AHNAK: variants seen among roughly 807,000 people sequenced by gnomAD.
AHNAK encodes AHNAK nucleoprotein.
Under a neutral mutation model 37.8 loss-of-function variants are expected in AHNAK, and 23 were observed. The observed-to-expected ratio is 0.61, with a 90% CI of 0.44 to 0.86. The LOEUF is 0.86. AHNAK is among the 40% of genes least tolerant of loss of function. AHNAK has a pLI of 0.00. For missense variants in AHNAK, 7,411 were observed against 7,319.4 expected, an observed-to-expected ratio of 1.01 and a Z score of -0.46; for synonymous variants, 2,481 against 2,636.3, an observed-to-expected ratio of 0.94 and a Z score of 1.80.
At chr11:62,475,682 G>A (rs1032446759) in intron 5 of AHNAK, among the ~76,000 whole-genome samples, 5 of 135,806 alleles carry the variant, frequency 3.7e-5, no homozygotes, top group Non-Finnish European at 7.5e-5. Flanking sequence ...TCAGCTCACC[G>A]AAACCTCTGC....
chr11:62,526,844 C>T lies in AHNAK; in HGVS notation c.7573G>A (p.Ala2525Thr). The T allele has an allele frequency of 6.2e-7, 1 of 1,613,896 alleles. No individual in the cohort carries two copies. Among genetic ancestry groups the T allele is most frequent in the Non-Finnish European group, 8.5e-7 (1 of 1,179,988 alleles). Residue 2525 changes from alanine to threonine, a missense_variant, in exon 5 of 5, where the codon GCA becomes ACA. Coordinates refer to ENST00000378024, the MANE Select transcript of AHNAK (RefSeq NM_001620.3). ...MPKFSMPGFKAEGPEVDVNLP... is the reference protein window; with the variant it reads ...MPKFSMPGFKTEGPEVDVNLP... ...TTGACGTCTACTTCAGGGCCCTCTG[C>T]TTTGAAGCCAGGCATGCTGAACTTG... is the stretch of plus-strand genomic sequence containing the variant.
chr11:62,524,901 C>A lies in AHNAK; in HGVS notation c.9516G>T (p.Val3172=), dbSNP rs143885910. 6.2e-7 allele frequency: 1 copy of A among 1,613,808 alleles called. No homozygotes were observed. ...CGTCAAGGTCAGCCTTGGGCAGGTTCACGTCCACTTCTGGACCTTCTCCTT... is the reference window on the plus strand; with the variant it reads ...CGTCAAGGTCAGCCTTGGGCAGGTTAACGTCCACTTCTGGACCTTCTCCTT... ...GFKGEGPEVD[V]NLPKADLDVS... The change falls in exon 5 of 5, where the codon GTG becomes GTT. Residue 3172 remains valine (V), a synonymous_variant. Coordinates refer to ENST00000378024, the MANE Select transcript of AHNAK (RefSeq NM_001620.3).
chr11:62,501,632 A>G (rs554642584), intron 4 of AHNAK, among the ~76,000 whole-genome samples: 19 of 152,376 alleles, frequency 1.2e-4, no homozygotes, highest in African/African-American at 4.3e-4. Context: ...AAACCCCAGC[A>G]TGATGTGAGC....
intron 5 of AHNAK, among the ~76,000 whole-genome samples, chr11:62,448,216 C>T (rs1450812768): frequency 1.3e-5 from 2 of 152,086 alleles, no homozygotes; most frequent in Non-Finnish European, 2.9e-5. Flanking sequence ...TGGGATCTGG[C>T]GTAGAACCTT....
chr11:62,504,190 AAAAG>A lies in AHNAK; in HGVS notation c.343-12363_343-12360del, dbSNP rs375052153. On this transcript the variant is annotated intron_variant, in intron 4 of 5. Transcript: ENST00000257247. ...ACAGAAAGAGAGAGAGAGAGAAAGA[AAAAG>A]AAAGAAAGAAAGAGAGAGAGAGAAA... Among the ~76,000 whole-genome samples the A allele has an allele frequency of 2.4e-4, 36 of 152,196 alleles. No homozygotes were observed. The East Asian group carries it at 2.7e-3, about 11-fold the overall frequency.
At chr11:62,539,953 G>T (rs544897372) in intron 1 of AHNAK, among the ~76,000 whole-genome samples, 1 of 152,256 alleles carries the variant, frequency 6.6e-6, no homozygotes, top group Non-Finnish European at 1.5e-5. Flanking sequence ...TGTGTAGCCA[G>T]GTTTCCCATT....
At chr11:62,504,931 G>T (rs1193571800) in intron 4 of AHNAK, among the ~76,000 whole-genome samples, 1 of 152,118 alleles carries the variant, frequency 6.6e-6, no homozygotes, top group Admixed American at 6.5e-5. Context: ...CCACGTGAGA[G>T]ACCCATCCCT....
At chr11:62,482,117 C>T (rs561903552) in intron 5 of AHNAK, among the ~76,000 whole-genome samples, 2 of 152,258 alleles carry the variant, frequency 1.3e-5, no homozygotes, top group Admixed American at 6.5e-5. Flanking sequence ...ATGAAACCTT[C>T]ATCAAGATGT....
chr11:62,513,188 G>A (rs1349002003), downstream of AHNAK, among the ~76,000 whole-genome samples: 1 of 152,166 alleles, frequency 6.6e-6, no homozygotes. Flanking sequence ...TCACCCTCGA[G>A]TGCAGGAACC....
intron 4 of AHNAK, among the ~76,000 whole-genome samples, chr11:62,492,590 A>G (rs960735339): frequency 1.3e-5 from 2 of 152,140 alleles, no homozygotes; most frequent in African/African-American, 4.8e-5. Flanking sequence ...TCTTCCCAGC[A>G]GGATGCAGTG....
intron 4 of AHNAK, among the ~76,000 whole-genome samples, chr11:62,499,532 C>G (rs1350977673): frequency 6.6e-6 from 1 of 152,122 alleles, no homozygotes; most frequent in African/African-American, 2.4e-5. Context: ...GCCTGGGCAA[C>G]AGAGCAAGAC....
At position 62,506,578 on chromosome 11, in the gene AHNAK, C is replaced by CTCAG. The variant is rs1362540428; in HGVS notation, c.343-14748_343-14747insCTGA. On this transcript the variant is annotated intron_variant, in intron 4 of 5. Coordinates refer to the AHNAK transcript ENST00000257247. ...AGACAGGAGGCTCAGCCCCTCAGGG[C>CTCAG]CCCAGCTGGCCAGAGGGTTGTGCCT... Among the ~76,000 whole-genome samples, 9 of 152,276 alleles carry CTCAG rather than the reference C, an allele frequency of 5.9e-5. No homozygotes were observed. The East Asian group carries it at 1.7e-3, about 29-fold the overall frequency.
chr11:62,470,980 G>A (rs1339051864), intron 5 of AHNAK, among the ~76,000 whole-genome samples: 1 of 151,960 alleles, frequency 6.6e-6, no homozygotes, highest in African/African-American at 2.4e-5. Flanking sequence ...ATCCACCTGG[G>A]GTCAACCCCT....
intron 1 of AHNAK, chr11:62,545,815 G>C (rs1299388267): frequency 6.6e-6 from 1 of 152,438 alleles, no homozygotes. Context: ...TGCTGGCGCC[G>C]GGCCAGGCTC....
At chr11:62,464,230 C>T (rs368873956) in intron 5 of AHNAK, among the ~76,000 whole-genome samples, 2 of 151,174 alleles carry the variant, frequency 1.3e-5, no homozygotes, top group African/African-American at 2.4e-5. Flanking sequence ...TTTTTGGGGG[C>T]GGGGCGGTGT....
intron 5 of AHNAK, among the ~76,000 whole-genome samples, chr11:62,473,007 C>T (rs1370204415): frequency 1.5e-5 from 2 of 133,264 alleles, no homozygotes; most frequent in South Asian, 2.4e-4. Context: ...ATCACTTGAA[C>T]CCAGGAGGCA....
intron 5 of AHNAK, among the ~76,000 whole-genome samples, chr11:62,436,064 C>T (rs972755332): frequency 6.6e-6 from 1 of 152,212 alleles, no homozygotes; most frequent in Non-Finnish European, 1.5e-5. Context: ...TCAAGCCTGG[C>T]TCACAGTATT....
At chr11:62,478,454 G>A (rs921058500) in intron 5 of AHNAK, among the ~76,000 whole-genome samples, 6 of 152,118 alleles carry the variant, frequency 3.9e-5, no homozygotes, top group African/African-American at 4.8e-5. Flanking sequence ...ACAGGGTGCC[G>A]GGTGCCGGTG....
rs772103447 is a variant in AHNAK at position 62,525,349 on chromosome 11, G to A, written c.9068C>T (p.Pro3023Leu). Residue 3023 changes from proline (P) to leucine (L), a missense_variant, in exon 5 of 5, where the codon CCC becomes CTC. By Grantham distance (98) the Pro-to-Leu change is moderately conservative. Coordinates refer to ENST00000378024, the MANE Select transcript of AHNAK (RefSeq NM_001620.3). ...VQGPDWHLKM[P>L]KVKMPKFSMP... is the part of the protein sequence containing the mutation. ...GCTGAATTTGGGCATTTTCACTTTGGGCATTTTTAGGTGCCAGTCTGGGCC... is the reference window on the plus strand; with the variant it reads ...GCTGAATTTGGGCATTTTCACTTTGAGCATTTTTAGGTGCCAGTCTGGGCC... 6.2e-7 allele frequency: 1 copy of A among 1,612,824 alleles called. No homozygotes were observed. Among genetic ancestry groups the A allele is most frequent in the Non-Finnish European group, 8.5e-7 (1 of 1,179,780 alleles).
Sources: gnomAD v4.1 joint callset for allele counts (sites outside exome capture counted in the v4.1 genomes callset) on GRCh38, gnomAD v4.1.1 for gene constraint, MANE v1.5 for transcripts, NCBI Gene and HGNC (gene_info 2026-07-23, HGNC 2026-07-21) for gene names.